The following CMKLR1 variants were observed in gnomAD, a reference collection of about 807,000 sequenced individuals.
The protein encoded by CMKLR1 is chemerin-like receptor 1.
CMKLR1 carries 6 observed loss-of-function variants against 8.2 expected under a neutral mutation model. The ratio of observed to expected loss-of-function variants is 0.73; its 90% CI spans 0.40 to 1.44. CMKLR1 has a LOEUF of 1.44. CMKLR1 is among the 40% of genes most tolerant of loss of function. CMKLR1 has a pLI of 0.02. For synonymous variants in CMKLR1, 178 were observed against 181.2 expected (o/e 0.98, Z 0.14); for missense variants, 429 against 478.0 (o/e 0.90, Z 0.96).
chr12:108,315,227 C>T (rs1467544648), intron 2 of CMKLR1, among the ~76,000 whole-genome samples: 1 of 152,164 alleles, frequency 6.6e-6, no homozygotes, highest in East Asian at 1.9e-4. Flanking sequence ...CCAGCCCAAA[C>T]ACAGTCTTTC....
rs941556680 is a variant in CMKLR1 at position 108,292,417 on chromosome 12, G to A, written c.546C>T (p.Asn182=). The change falls in exon 4 of 4, where the codon AAC becomes AAT. Residue 182 remains asparagine, a synonymous_variant. Coordinates refer to ENST00000550402, the MANE Select transcript of CMKLR1 (RefSeq NM_001142343.2). ...TGAAGCAGGATATTTTCCCATGCAG[G>A]TTGGCTGTGTCCCGGAAGACGAGAG... The part of the protein sequence containing the change: ...SPSLVFRDTA[N]LHGKISCFNN... The A allele has an allele frequency of 1.1e-5, 17 of 1,614,190 alleles. No homozygotes were observed. The highest frequency in any genetic ancestry group is 1.4e-5 in the Non-Finnish European group (16 of 1,180,042).
chr12:108,334,331 C>T (rs183019295), intron 1 of CMKLR1, among the ~76,000 whole-genome samples: 63 of 152,388 alleles, frequency 4.1e-4, no homozygotes, highest in Non-Finnish European at 1.6e-4. Context: ...GCAGCTGTTA[C>T]TCCCACATGC....
chr12:108,331,230 C>G (rs1369834592), intron 1 of CMKLR1, among the ~76,000 whole-genome samples: 4 of 152,204 alleles, frequency 2.6e-5, no homozygotes, highest in African/African-American at 9.7e-5. Flanking sequence ...CTAACTACTA[C>G]CCTATGTACA....
chr12:108,308,776 C>T (rs1454367171), intron 2 of CMKLR1, among the ~76,000 whole-genome samples: 3 of 152,186 alleles, frequency 2.0e-5, no homozygotes, highest in African/African-American at 7.2e-5. Flanking sequence ...AAAGATTCTT[C>T]CTTCCAGTCC....
intron 2 of CMKLR1, among the ~76,000 whole-genome samples, chr12:108,316,320 G>A (rs903380970): frequency 1.3e-5 from 2 of 152,102 alleles, no homozygotes; most frequent in Non-Finnish European, 2.9e-5. Context: ...GATCTTAGGA[G>A]GGAGGAAGAA....
chr12:108,292,501 G>A lies in CMKLR1; in HGVS notation c.462C>T (p.Arg154=), dbSNP rs1470863590. The change falls in exon 4 of 4, where the codon CGC becomes CGT. Residue 154 remains arginine (R), a synonymous_variant. Coordinates refer to ENST00000550402, the MANE Select transcript of CMKLR1 (RefSeq NM_001142343.2). ...TGACCATGCAGGCCATGTAAGCCAG[G>A]CGAACGCTGCGGTGGTTCTGGGACC... ...PVWSQNHRSV[R]LAYMACMVIW... 3.1e-6 allele frequency: 5 copies of A among 1,614,078 alleles called. No homozygotes were observed. The Admixed American group carries it at 5.0e-5, about 16-fold the overall frequency.
Position 108,292,606 on chromosome 12 carries a change from G to A in CMKLR1, c.357C>T (p.Leu119=). Residue 119 remains leucine, a synonymous_variant, in exon 4 of 4, where the codon CTC becomes CTT. Transcript: ENST00000550402. The part of the protein sequence containing the change: ...TAMCKISNFL[L]IHNMFTSVFL... ...AGACGCTGGTGAACATGTTGTGGAT[G>A]AGAAGGAAGTTGCTGATCTTGCACA... 6.2e-7 allele frequency: 1 copy of A among 1,614,162 alleles called. No homozygotes were observed. The highest frequency in any genetic ancestry group is 1.1e-5 in the South Asian group (1 of 91,066).
intron 2 of CMKLR1, among the ~76,000 whole-genome samples, chr12:108,326,712 C>T (rs964855302): frequency 1.3e-5 from 2 of 152,164 alleles, no homozygotes; most frequent in Non-Finnish European, 2.9e-5. Flanking sequence ...CTCTGGGCCT[C>T]ATCACACACA....
In CMKLR1 at chr12:108,292,873, G is replaced by C; in HGVS notation, c.90C>G (p.Asp30Glu). ...DYLDSIVVLE[D>E]LSPLEARVTR... ...TCACCCTGGCTTCCAAGGGGGATAA[G>C]TCCTCCAAAACCACAATGGAGTCTA... Residue 30 changes from aspartate (D) to glutamate (E), a missense_variant, in exon 4 of 4, where the codon GAC (aspartate) becomes GAG (glutamate). Physicochemically the swap from Asp to Glu is conservative, Grantham distance 45. Transcript: ENST00000550402. 6.2e-7 allele frequency: 1 copy of C among 1,614,112 alleles called. No individual in the cohort carries two copies.
intron 2 of CMKLR1, among the ~76,000 whole-genome samples, chr12:108,308,107 A>G (rs1051005330): frequency 2.0e-5 from 3 of 152,088 alleles, no homozygotes; most frequent in African/African-American, 7.2e-5. Context: ...ATCCTGTCAC[A>G]TATCATCTGG....
rs1037455639 is a variant in CMKLR1 at position 108,304,756 on chromosome 12, C to T, written c.-73-11092G>A. ...CCTCCCCCTCTGACAGGCTCGGCTG[C>T]CCCTCACCTGCAACATTCCTCACCT... On this transcript the variant is annotated intron_variant, in intron 2 of 3. Transcript: ENST00000550402. Among the ~76,000 whole-genome samples, 11 of 152,370 alleles carry T rather than the reference C, an allele frequency of 7.2e-5. No homozygotes were observed. In the South Asian group the frequency reaches 2.1e-3, roughly 29 times the overall value.
chr12:108,333,982 A>G (rs1226548248), intron 1 of CMKLR1, among the ~76,000 whole-genome samples: 1 of 152,254 alleles, frequency 6.6e-6, no homozygotes, highest in African/African-American at 2.4e-5. Context: ...TCCTCACTGC[A>G]TCTCAGTCCT....
At chr12:108,321,533 G>A (rs765496950) in intron 2 of CMKLR1, among the ~76,000 whole-genome samples, 4 of 152,060 alleles carry the variant, frequency 2.6e-5, no homozygotes, top group Admixed American at 1.3e-4. Flanking sequence ...ACTTTCACGC[G>A]TCTGCGTCAC....
In CMKLR1 at chr12:108,289,626, G is replaced by A. The variant is rs1138433; in HGVS notation, c.*2215C>T. 0.092 allele frequency: 14,024 copies of A among 152,252 alleles called. 774 individuals carry two copies. Among genetic ancestry groups the A allele is most frequent in the African/African-American group, 0.15 (6,089 of 41,528 alleles). 9.4% of individuals were successfully genotyped at this position (152,252 alleles called of 1,614,324 possible). ...GCGCTGACGACTGCTGCTGTGACCCGGGACAGGTCCCATCCCATCTCGTGC... is the reference window on the plus strand; with the variant it reads ...GCGCTGACGACTGCTGCTGTGACCCAGGACAGGTCCCATCCCATCTCGTGC... On this transcript the variant is annotated 3_prime_UTR_variant, in exon 4 of 4. Coordinates refer to ENST00000550402, the MANE Select transcript of CMKLR1 (RefSeq NM_001142343.2).
intron 2 of CMKLR1, among the ~76,000 whole-genome samples, chr12:108,325,372 G>A (rs140385920): frequency 7.9e-5 from 12 of 152,288 alleles, no homozygotes; most frequent in African/African-American, 2.9e-4. Context: ...TGGGGATATG[G>A]GTTGCTGGTA....
chr12:108,293,668 TA>T lies in CMKLR1; in HGVS notation c.-73-5del. The stretch of plus-strand genomic sequence containing the variant: ...CCCTGTACACAGCTAGAAACACCTG[TA>T]GGGAAAAAAAAAAAAAAAAAAGCAG... On this transcript the variant is annotated splice_region_variant and splice_polypyrimidine_tract_variant and intron_variant, in intron 2 of 3. Transcript: ENST00000550402. 2.4e-6 allele frequency: 3 copies of T among 1,249,282 alleles called. No homozygotes were observed. Among genetic ancestry groups the T allele is most frequent in the Non-Finnish European group, 3.2e-6 (3 of 937,758 alleles). The allele number at this position is 1,249,282 out of a possible 1,614,324, so 77.4% of individuals were successfully genotyped here. A position where few individuals can be genotyped will look rare whatever the true frequency, so the allele number is the denominator to read the frequency against.
intron 1 of CMKLR1, among the ~76,000 whole-genome samples, chr12:108,333,359 G>GTGGAGAA (rs1892150996): frequency 6.6e-6 from 1 of 152,098 alleles, no homozygotes; most frequent in Non-Finnish European, 1.5e-5. Context: ...TGAGGCCCAG[G>GTGGAGAA]GCACTCTCCA....
At position 108,288,708 on chromosome 12, in the gene CMKLR1, G is replaced by A. The variant is rs1890869420; in HGVS notation, c.*3133C>T. 6.6e-6 allele frequency: 1 copy of A among 152,186 alleles called. No homozygotes were observed. The highest frequency in any genetic ancestry group is 6.5e-5 in the Admixed American group (1 of 15,270). 9.4% of individuals were successfully genotyped at this position (152,186 alleles called of 1,614,324 possible). On this transcript the variant is annotated 3_prime_UTR_variant, in exon 4 of 4. Transcript: ENST00000550402. ...TTCTCCCTGTCCTTGCTGGCTCAAG[G>A]GTCAGCTGGAGATGGTTCTGAAATC... is the stretch of plus-strand genomic sequence containing the variant.
intron 1 of CMKLR1, among the ~76,000 whole-genome samples, chr12:108,331,186 G>T (rs74328640): frequency 1.3e-3 from 194 of 152,268 alleles, no homozygotes; most frequent in African/African-American, 4.0e-3. Flanking sequence ...CCTACCAGGT[G>T]CCAGACACTT....
Sources: gnomAD v4.1 joint callset for allele counts (sites outside exome capture counted in the v4.1 genomes callset) on GRCh38, gnomAD v4.1.1 for gene constraint, MANE v1.5 for transcripts, NCBI Gene and HGNC (gene_info 2026-07-23, HGNC 2026-07-21) for gene names.